Variants in SRL observed in about 807,000 individuals in gnomAD.
The protein encoded by SRL is sarcalumenin.
A neutral mutation model predicts 39.5 loss-of-function variants in SRL; 23 were observed. The observed-to-expected ratio is 0.58, with a 90% CI of 0.42 to 0.82. SRL has a LOEUF of 0.82. Among genes scored for constraint, SRL ranks in the 40% least tolerant of loss-of-function variants. The probability of loss-of-function intolerance (pLI) is 0.00; values close to 1 mark genes in which losing one functional copy is unlikely to be tolerated. For missense variants in SRL, 592 were observed against 607.8 expected (o/e 0.97, Z 0.27); for synonymous variants, 272 against 237.4 (o/e 1.15, Z -1.34).
chr16:4,208,259 G>A (rs1006004477), intron 1 of SRL, among the ~76,000 whole-genome samples: 13 of 152,118 alleles, frequency 8.5e-5, no homozygotes, highest in African/African-American at 2.9e-4. Flanking sequence ...GGACTACCTC[G>A]TGCGTAGCGA....
chr16:4,192,708 G>A lies in SRL; in HGVS notation c.867C>T (p.Tyr289=), dbSNP rs59226311. ...LINVTEPPRV[Y]VSSFWPQEYK... ...ACTCTTGTGGCCAGAAGGAGCTGAC[G>A]TAAACCCTTGGGGGCTCTGTGACAT... The change falls in exon 6 of 6, where the codon TAC becomes TAT. Residue 289 remains tyrosine (Y), a synonymous_variant. Coordinates refer to ENST00000399609, the MANE Select transcript of SRL (RefSeq NM_001098814.2). This position sits in a 1 kb window ranked among gnomAD's most constrained non-coding sequence, Gnocchi z 4.0. The A allele has an allele frequency of 3.5e-3, 5,594 of 1,614,118 alleles. 169 individuals are homozygous for A. In the African/African-American group the frequency reaches 0.063, roughly 18 times the overall value.
At chr16:4,234,031 G>A (rs565202992) in intron 1 of SRL, among the ~76,000 whole-genome samples, 41 of 152,150 alleles carry the variant, frequency 2.7e-4, no homozygotes, top group Non-Finnish European at 3.7e-4. Context: ...GTCTCGCTCT[G>A]TTGCCCAGGC....
At chr16:4,201,140 G>T (rs914981919) in intron 3 of SRL, among the ~76,000 whole-genome samples, 49 of 150,544 alleles carry the variant, frequency 3.3e-4, no homozygotes, top group African/African-American at 1.1e-3. Flanking sequence ...TTGAGACAGG[G>T]TCTCACTCTG....
chr16:4,233,232 G>A (rs1170587789), intron 1 of SRL, among the ~76,000 whole-genome samples: 1 of 152,180 alleles, frequency 6.6e-6, no homozygotes, highest in Non-Finnish European at 1.5e-5. Flanking sequence ...ACTCTAGCCA[G>A]AGCTAGTCTC....
chr16:4,196,958 G>T (rs2052155068), intron 4 of SRL, among the ~76,000 whole-genome samples: 1 of 151,286 alleles, frequency 6.6e-6, no homozygotes, highest in Non-Finnish European at 1.5e-5. Context: ...TTCATCCATT[G>T]ATGAACATTT....
rs557644210 is a variant in SRL at position 4,190,293 on chromosome 16, C to G, written c.*1860G>C. ...CTTACCCTGCCTGACCTCAGAGTGC[C>G]TCTCCCTCTGCCTGCCTTTCCACTG... On this transcript the variant is annotated 3_prime_UTR_variant, in exon 6 of 6. Transcript: ENST00000399609. 6 of 399,080 alleles carry G rather than the reference C, an allele frequency of 1.5e-5. No homozygotes were observed. The Admixed American group carries it at 2.6e-4, about 18-fold the overall frequency. 24.7% of individuals were successfully genotyped at this position (399,080 alleles called of 1,614,324 possible). A position where few individuals can be genotyped will look rare whatever the true frequency, so the allele number is the denominator to read the frequency against.
At chr16:4,198,371 C>G (rs2052177538) in intron 3 of SRL, among the ~76,000 whole-genome samples, 3 of 152,180 alleles carry the variant, frequency 2.0e-5, no homozygotes, top group South Asian at 2.1e-4. Context: ...CTCTGCAGCT[C>G]TCCTCTCCTC....
intron 1 of SRL, among the ~76,000 whole-genome samples, chr16:4,213,050 C>A (rs995934464): frequency 1.3e-5 from 2 of 152,162 alleles, no homozygotes; most frequent in Non-Finnish European, 2.9e-5. Flanking sequence ...AAGATTGGGG[C>A]AGGGGTGGGA....
chr16:4,220,716 G>C (rs946382455), intron 1 of SRL, among the ~76,000 whole-genome samples: 1 of 152,146 alleles, frequency 6.6e-6, no homozygotes, highest in Non-Finnish European at 1.5e-5. Flanking sequence ...CTCTGCATCT[G>C]TCTCATCTAG....
chr16:4,220,686 T>A (rs1182580234), intron 1 of SRL, among the ~76,000 whole-genome samples: 1 of 152,158 alleles, frequency 6.6e-6, no homozygotes, highest in Non-Finnish European at 1.5e-5. Context: ...GTGAACTTTG[T>A]GTCACTGAGA....
At chr16:4,200,337 G>A (rs1316437718) in intron 3 of SRL, among the ~76,000 whole-genome samples, 1 of 152,214 alleles carries the variant, frequency 6.6e-6, no homozygotes, top group Non-Finnish European at 1.5e-5. Context: ...GAGAGCCCTA[G>A]ATGTTCCGGT....
In SRL at chr16:4,191,323, C is replaced by T. The variant is rs1191451973; in HGVS notation, c.*830G>A. The stretch of plus-strand genomic sequence containing the variant: ...AAGTCCGGGGGATTGGCTCAAAACC[C>T]AGGTGGAGGCCGGGTGCGGCAGCTC... On this transcript the variant is annotated 3_prime_UTR_variant, in exon 6 of 6. Coordinates refer to ENST00000399609, the MANE Select transcript of SRL (RefSeq NM_001098814.2). 1 of 152,504 alleles carries T rather than the reference C, an allele frequency of 6.6e-6. No homozygotes were observed. The highest frequency in any genetic ancestry group is 2.4e-5 in the African/African-American group (1 of 41,442). The allele number at this position is 152,504 out of a possible 1,614,324, so 9.4% of individuals were successfully genotyped here. A position where few individuals can be genotyped will look rare whatever the true frequency, so the allele number is the denominator to read the frequency against.
chr16:4,194,341 TA>T (rs1271512954), intron 5 of SRL, among the ~76,000 whole-genome samples: 1 of 152,202 alleles, frequency 6.6e-6, no homozygotes, highest in Non-Finnish European at 1.5e-5. Context: ...AGCCCCTGGT[TA>T]AAACCACTCT....
chr16:4,229,763 G>A (rs578036230), intron 1 of SRL, among the ~76,000 whole-genome samples: 2 of 151,996 alleles, frequency 1.3e-5, no homozygotes, highest in East Asian at 1.9e-4. Flanking sequence ...ACCTGCACAC[G>A]TCCCCCCTGA....
intron 1 of SRL, among the ~76,000 whole-genome samples, chr16:4,231,327 T>C (rs916189491): frequency 4.6e-5 from 7 of 152,026 alleles, no homozygotes; most frequent in East Asian, 1.9e-4. Flanking sequence ...AAAAAAACAA[T>C]TGCTGTGGCT....
chr16:4,209,533 C>A (rs556001132), intron 1 of SRL, among the ~76,000 whole-genome samples: 1 of 152,308 alleles, frequency 6.6e-6, no homozygotes, highest in South Asian at 2.1e-4. Context: ...CCATCTCTCC[C>A]TCCCACAAAG....
intron 1 of SRL, among the ~76,000 whole-genome samples, chr16:4,214,835 T>C (rs1392208778): frequency 2.6e-5 from 4 of 152,034 alleles, no homozygotes; most frequent in Non-Finnish European, 4.4e-5. Context: ...TGGTGCGATC[T>C]TGGCTCACTG....
chr16:4,198,831 T>G (rs1338186572), intron 3 of SRL, among the ~76,000 whole-genome samples: 1 of 152,194 alleles, frequency 6.6e-6, no homozygotes, highest in African/African-American at 2.4e-5. Flanking sequence ...AACTGGCAAT[T>G]CTTGGGTCCT....
At chr16:4,219,283 C>A (rs1426676263) in intron 1 of SRL, among the ~76,000 whole-genome samples, 1 of 152,260 alleles carries the variant, frequency 6.6e-6, no homozygotes, top group Non-Finnish European at 1.5e-5. Flanking sequence ...AATACAACTT[C>A]CCCTTCTCCC....
Sources: gnomAD v4.1 joint callset for allele counts (sites outside exome capture counted in the v4.1 genomes callset) on GRCh38, gnomAD v4.1.1 for gene constraint, Gnocchi (gnomAD v3.1) non-coding constraint, MANE v1.5 for transcripts, NCBI Gene and HGNC (gene_info 2026-07-23, HGNC 2026-07-21) for gene names.